GPC5: variants seen among roughly 807,000 people sequenced by gnomAD.
GPC5 encodes glypican-5.
GPC5 carries 47 observed loss-of-function variants against 53.9 expected under a neutral mutation model. The observed-to-expected ratio is 0.87, with a 90% CI of 0.69 to 1.11. GPC5 has a LOEUF of 1.11. GPC5 is among the 50% of genes most tolerant of loss of function. The probability of loss-of-function intolerance (pLI) is 0.00; values close to 1 mark genes in which losing one functional copy is unlikely to be tolerated. For synonymous variants in GPC5, 286 were observed against 263.3 expected, an observed-to-expected ratio of 1.09 and a Z score of -0.84; for missense variants, 748 against 713.1, an observed-to-expected ratio of 1.05 and a Z score of -0.56.
chr13:92,527,146 AAG>A (rs1181970720), intron 7 of GPC5, among the ~76,000 whole-genome samples: 2 of 127,448 alleles, frequency 1.6e-5, no homozygotes, highest in African/African-American at 5.8e-5. Flanking sequence ...GAAAGAAAGA[AAG>A]AAAGAAAGAA....
chr13:91,867,959 A>G (rs913254779), intron 5 of GPC5, among the ~76,000 whole-genome samples: 10 of 152,022 alleles, frequency 6.6e-5, no homozygotes, highest in African/African-American at 2.4e-4. Context: ...TCTGAGTGTG[A>G]TTATCAGTAA....
intron 7 of GPC5, among the ~76,000 whole-genome samples, chr13:92,378,264 G>C (rs142007838): frequency 1.2e-3 from 177 of 152,238 alleles, no homozygotes; most frequent in Middle Eastern, 3.4e-3. Flanking sequence ...GTGAAATTAA[G>C]GGGTAGGGAT....
chr13:92,059,337 A>G (rs2041102548), intron 6 of GPC5, among the ~76,000 whole-genome samples: 1 of 152,136 alleles, frequency 6.6e-6, no homozygotes, highest in Admixed American at 6.5e-5. Context: ...GAGTCATTGC[A>G]GAAAGATCAT....
At chr13:91,782,195 T>C (rs2037808557) in intron 5 of GPC5, among the ~76,000 whole-genome samples, 1 of 152,212 alleles carries the variant, frequency 6.6e-6, no homozygotes, top group South Asian at 2.1e-4. Context: ...TGCCATCCAG[T>C]GGCAGCAGCC....
intron 7 of GPC5, among the ~76,000 whole-genome samples, chr13:92,312,701 C>A (rs1239409399): frequency 6.6e-6 from 1 of 152,062 alleles, no homozygotes; most frequent in Non-Finnish European, 1.5e-5. Context: ...TAGTGATCTT[C>A]ATGTTAAATT....
intron 6 of GPC5, among the ~76,000 whole-genome samples, chr13:91,916,598 G>A (rs547424682): frequency 2.6e-5 from 4 of 152,248 alleles, no homozygotes; most frequent in African/African-American, 9.6e-5. Context: ...TAAATATGTT[G>A]TATTAGGTTT....
chr13:92,089,623 A>G (rs1050900735), intron 6 of GPC5, among the ~76,000 whole-genome samples: 3 of 152,214 alleles, frequency 2.0e-5, no homozygotes. Context: ...GTAAAGCAGT[A>G]TAAAAAATAT....
chr13:91,613,193 A>T (rs1342402002), intron 2 of GPC5, among the ~76,000 whole-genome samples: 1 of 152,194 alleles, frequency 6.6e-6, no homozygotes, highest in Admixed American at 6.5e-5. Flanking sequence ...TGCTCCTGAT[A>T]AACACATCCC....
chr13:92,211,518 C>A (rs1220413345), intron 7 of GPC5, among the ~76,000 whole-genome samples: 1 of 152,232 alleles, frequency 6.6e-6, no homozygotes, highest in African/African-American at 2.4e-5. Flanking sequence ...CTGGCCTTAG[C>A]CAAGCAGTTT....
At chr13:92,374,542 T>C in intron 7 of GPC5, among the ~76,000 whole-genome samples, 1 of 152,076 alleles carries the variant, frequency 6.6e-6, no homozygotes, top group Non-Finnish European at 1.5e-5. Flanking sequence ...GATGAGTTCA[T>C]GTCCTTTTTA....
At chr13:91,423,869 A>T (rs1028009246) in intron 1 of GPC5, among the ~76,000 whole-genome samples, 9 of 152,212 alleles carry the variant, frequency 5.9e-5, no homozygotes, top group African/African-American at 2.2e-4. Flanking sequence ...CTATTTTTCA[A>T]TTAGAGATAA....
intron 7 of GPC5, among the ~76,000 whole-genome samples, chr13:92,292,893 A>C (rs779973600): frequency 6.6e-6 from 1 of 151,952 alleles, no homozygotes; most frequent in Non-Finnish European, 1.5e-5. Context: ...TGGCTAGCCA[A>C]TTATCCCAGC....
rs528009774 is a variant in GPC5 at position 92,692,075 on chromosome 13, T to C, written c.1562-174207T>C. ...TCAGTGTCTATTGTTCCCACCTTTA[T>C]ATCCATGTGTACCCTATGTTTAGCT... On this transcript the variant is annotated intron_variant, in intron 7 of 7. Transcript: ENST00000377067. Among the ~76,000 whole-genome samples, 14 of 152,290 alleles carry C rather than the reference T, an allele frequency of 9.2e-5. 3 individuals are homozygous for C. The highest frequency in any genetic ancestry group is 3.4e-4 in the African/African-American group (14 of 41,556).
At chr13:92,350,701 A>G (rs2043469604) in intron 7 of GPC5, among the ~76,000 whole-genome samples, 1 of 152,172 alleles carries the variant, frequency 6.6e-6, no homozygotes. Context: ...CACACAATTG[A>G]TGTGTTTGAG....
At chr13:92,604,787 G>C (rs1457122788) in intron 7 of GPC5, among the ~76,000 whole-genome samples, 1 of 152,116 alleles carries the variant, frequency 6.6e-6, no homozygotes, top group Non-Finnish European at 1.5e-5. Flanking sequence ...ATTACTAAGT[G>C]CTTTTATTTT....
rs115202945 is a variant in GPC5, at chr13:92,264,042, A to G, written c.1561+119053A>G. Reference sequence around the variant, plus strand: ...TTCACATTGTAAACATACAGAAAACATCACATTATATCCCATAAATAAACA... The same window carrying G: ...TTCACATTGTAAACATACAGAAAACGTCACATTATATCCCATAAATAAACA... On this transcript the variant is annotated intron_variant, in intron 7 of 7. Transcript: ENST00000377067. Among the ~76,000 whole-genome samples, 650 of 152,310 alleles carry G rather than the reference A, an allele frequency of 4.3e-3. 5 individuals carry two copies. The highest frequency in any genetic ancestry group is 0.015 in the African/African-American group (618 of 41,578).
At chr13:92,153,079 T>C (rs1432748039) in intron 7 of GPC5, among the ~76,000 whole-genome samples, 2 of 152,212 alleles carry the variant, frequency 1.3e-5, no homozygotes. Flanking sequence ...TTAAACAGTG[T>C]GGTTTTGAGG....
intron 7 of GPC5, among the ~76,000 whole-genome samples, chr13:92,444,009 A>G (rs1175078190): frequency 6.6e-6 from 1 of 152,180 alleles, no homozygotes; most frequent in Non-Finnish European, 1.5e-5. Flanking sequence ...CCTGGAATGT[A>G]GGATTGCCAA....
chr13:91,980,688 T>C (rs1218257281), intron 6 of GPC5, among the ~76,000 whole-genome samples: 1 of 152,228 alleles, frequency 6.6e-6, no homozygotes, highest in Admixed American at 6.5e-5. Flanking sequence ...AGTATATAGC[T>C]ACTTGAATTT....
Sources: gnomAD v4.1 joint callset for allele counts (sites outside exome capture counted in the v4.1 genomes callset) on GRCh38, gnomAD v4.1.1 for gene constraint, MANE v1.5 for transcripts, NCBI Gene and HGNC (gene_info 2026-07-23, HGNC 2026-07-21) for gene names.